Variants in NBEA observed in about 807,000 individuals in gnomAD.
NBEA encodes the protein lysosomal-trafficking regulator 2.
NBEA carries 44 observed loss-of-function variants against 343.4 expected under a neutral mutation model. The ratio of observed to expected loss-of-function variants is 0.13; its 90% CI spans 0.10 to 0.16. The LOEUF (loss-of-function observed/expected upper bound fraction) is 0.16. Ranked by LOEUF, NBEA falls within the 10% of genes least tolerant of loss-of-function variation. NBEA has a pLI of 1.00. For synonymous variants in NBEA, 1,175 were observed against 1,238.7 expected, an observed-to-expected ratio of 0.95 and a Z score of 1.08; for missense variants, 2,555 against 3,631.3, an observed-to-expected ratio of 0.70 and a Z score of 7.62.
At chr13:34,990,789 C>A (rs1383244704) in intron 1 of NBEA, among the ~76,000 whole-genome samples, 2 of 152,174 alleles carry the variant, frequency 1.3e-5, no homozygotes. Context: ...TATGCTGTTT[C>A]CTTTTTAAGT....
In NBEA at chr13:35,476,385, C is replaced by T. The variant is rs1242994758; in HGVS notation, c.6585+3849C>T. On this transcript the variant is annotated intron_variant, in intron 41 of 58. Transcript: ENST00000379939. The stretch of plus-strand genomic sequence containing the variant: ...CCTTCCTTTTATCTTTGAGCCCAGC[C>T]GTTCTTAAAGTGAAAGACTGTCCTC... 3.5e-6 allele frequency: 4 copies of T among 1,157,402 alleles called. No individual in the cohort carries two copies. In the African/African-American group the frequency reaches 6.1e-5, roughly 18 times the overall value. 71.7% of individuals were successfully genotyped at this position (1,157,402 alleles called of 1,614,324 possible). A position where few individuals can be genotyped will look rare whatever the true frequency, so the allele number is the denominator to read the frequency against.
At chr13:35,433,622 A>T (rs945011078) in intron 39 of NBEA, among the ~76,000 whole-genome samples, 1 of 152,046 alleles carries the variant, frequency 6.6e-6, no homozygotes, top group Non-Finnish European at 1.5e-5. Flanking sequence ...TAAGGATTTC[A>T]TATGAAACTG....
chr13:35,300,694 C>G (rs1217848842), intron 35 of NBEA, among the ~76,000 whole-genome samples: 1 of 152,150 alleles, frequency 6.6e-6, no homozygotes, highest in Non-Finnish European at 1.5e-5. Flanking sequence ...AGACCTGACT[C>G]CTATGGAAAG....
rs545292241 is a variant in NBEA at position 35,359,332 on chromosome 13, T to G, written c.6179+7009T>G. 5.3e-5 allele frequency among the ~76,000 whole-genome samples: 8 copies of G among 152,268 alleles called. No individual in the cohort carries two copies. In the South Asian group the frequency reaches 1.7e-3, roughly 32 times the overall value. ...TTGTTGTTGTTATCTGTATTGAAAT[T>G]AACTGTGATATATCACTTAATGTTT... On this transcript the variant is annotated intron_variant, in intron 38 of 58. Transcript: ENST00000379939.
rs149127453 is a variant in NBEA, at chr13:35,079,858, T to C, written c.1571+9006T>C. ...TTTACTTCTCATGGGATGTGGGCCC[T>C]TTTGCAACTATTCATTTTCACGTAA... On this transcript the variant is annotated intron_variant, in intron 10 of 58. Coordinates refer to ENST00000379939, the MANE Select transcript of NBEA (RefSeq NM_001385012.1). Among the ~76,000 whole-genome samples the C allele has an allele frequency of 3.7e-3, 568 of 152,230 alleles. 2 individuals carry two copies. Among genetic ancestry groups the C allele is most frequent in the Non-Finnish European group, 6.2e-3 (423 of 68,010 alleles).
chr13:35,118,483 A>T lies in NBEA; in HGVS notation c.2243+9A>T. On this transcript the variant is annotated intron_variant, in intron 16 of 58. Coordinates refer to ENST00000379939, the MANE Select transcript of NBEA (RefSeq NM_001385012.1). The stretch of plus-strand genomic sequence containing the variant: ...CAAAGAAATGGAATAAGGTATGATT[A>T]TAATATTAGTATTACTATTAGACTT... The T allele has an allele frequency of 6.4e-7, 1 of 1,559,250 alleles. No homozygotes were observed. The highest frequency in any genetic ancestry group is 1.2e-5 in the South Asian group (1 of 85,524).
At chr13:35,079,050 C>T (rs1411078160) in intron 10 of NBEA, among the ~76,000 whole-genome samples, 1 of 151,954 alleles carries the variant, frequency 6.6e-6, no homozygotes, top group Non-Finnish European at 1.5e-5. Flanking sequence ...ACAAAACCTA[C>T]TAGGAGGAAT....
chr13:35,073,444 T>G (rs1002527458), intron 10 of NBEA, among the ~76,000 whole-genome samples: 1 of 152,192 alleles, frequency 6.6e-6, no homozygotes, highest in Non-Finnish European at 1.5e-5. Context: ...TTTTGAGAAA[T>G]GGAGCTAAGC....
At chr13:35,635,652 A>G (rs1169718928) in intron 49 of NBEA, among the ~76,000 whole-genome samples, 1 of 152,204 alleles carries the variant, frequency 6.6e-6, no homozygotes, top group East Asian at 1.9e-4. Flanking sequence ...AGGTTCAAAT[A>G]TATTTGTTAT....
chr13:35,432,968 T>A (rs2045217776), intron 39 of NBEA, among the ~76,000 whole-genome samples: 1 of 152,034 alleles, frequency 6.6e-6, no homozygotes, highest in South Asian at 2.1e-4. Flanking sequence ...TTCAGCTTAA[T>A]AAAATAGAAT....
At chr13:35,510,162 A>G (rs1486719720) in intron 41 of NBEA, among the ~76,000 whole-genome samples, 3 of 152,200 alleles carry the variant, frequency 2.0e-5, no homozygotes, top group African/African-American at 7.2e-5. Context: ...TAAGACTGTG[A>G]GCGTTTGAAT....
chr13:35,545,639 C>T (rs1293910542), intron 41 of NBEA, among the ~76,000 whole-genome samples: 3 of 152,154 alleles, frequency 2.0e-5, no homozygotes, highest in South Asian at 2.1e-4. Context: ...CTTTGACATA[C>T]CTTAGTATAC....
chr13:35,424,866 G>A (rs933166424), intron 38 of NBEA, among the ~76,000 whole-genome samples: 1 of 151,992 alleles, frequency 6.6e-6, no homozygotes, highest in Non-Finnish European at 1.5e-5. Context: ...ACTTCTTCCT[G>A]TTTTAGTCTT....
Position 35,606,483 on chromosome 13 carries a change from A to C in NBEA, c.7354A>C (p.Asn2452His). Residue 2452 changes from asparagine (N) to histidine (H), a missense_variant, in exon 48 of 59, where the codon AAT (asparagine) becomes CAT (histidine). Coordinates refer to ENST00000379939, the MANE Select transcript of NBEA (RefSeq NM_001385012.1). ...PEMFVNSNGY[N>H]LGVREDEVVV... ...GATGTTTGTCAACAGTAATGGATAT[A>C]ATCTTGGAGTCAGAGAAGATGAAGT... is the stretch of plus-strand genomic sequence containing the variant. 6.3e-7 allele frequency: 1 copy of C among 1,599,868 alleles called. No homozygotes were observed.
chr13:35,563,799 A>G (rs1213333521), intron 44 of NBEA, among the ~76,000 whole-genome samples: 2 of 151,790 alleles, frequency 1.3e-5, no homozygotes, highest in Non-Finnish European at 2.9e-5. Context: ...TATTGGCATC[A>G]TTCATTTTGT....
intron 34 of NBEA, among the ~76,000 whole-genome samples, chr13:35,247,887 AAAG>A (rs1246095671): frequency 6.6e-6 from 1 of 152,218 alleles, no homozygotes; most frequent in Admixed American, 6.5e-5. Context: ...AGGGAAAAAA[AAAG>A]AAGATTCAAA....
intron 1 of NBEA, among the ~76,000 whole-genome samples, chr13:34,991,687 AT>A (rs1325502993): frequency 6.6e-6 from 1 of 152,200 alleles, no homozygotes; most frequent in Non-Finnish European, 1.5e-5. Context: ...AGTCATATGT[AT>A]TTTAAAGATG....
chr13:35,518,901 T>C (rs1315549283), intron 41 of NBEA, among the ~76,000 whole-genome samples: 1 of 152,198 alleles, frequency 6.6e-6, no homozygotes, highest in Admixed American at 6.5e-5. Context: ...TGCAGATGAT[T>C]ATAAGAGAGC....
rs141373444 is a variant in NBEA, at chr13:35,196,210, A to C, written c.5274A>C (p.Ala1758=). Residue 1758 remains alanine, a synonymous_variant, in exon 31 of 59, where the codon GCA becomes GCC. Transcript: ENST00000379939. ...KSLVAAPVEI[A]ECGPEPIPYP... ...TTGTGGCTGCTCCAGTTGAAATAGCAGAATGTGGCCCTGAACCTATCCCAT... is the reference window on the plus strand; with the variant it reads ...TTGTGGCTGCTCCAGTTGAAATAGCCGAATGTGGCCCTGAACCTATCCCAT... The C allele has an allele frequency of 6.8e-6, 11 of 1,613,656 alleles. No individual in the cohort carries two copies. In the South Asian group the frequency reaches 1.2e-4, roughly 18 times the overall value.
Sources: gnomAD v4.1 joint callset for allele counts (sites outside exome capture counted in the v4.1 genomes callset) on GRCh38, gnomAD v4.1.1 for gene constraint, MANE v1.5 for transcripts, NCBI Gene and HGNC (gene_info 2026-07-23, HGNC 2026-07-21) for gene names.